PDE4B: variants seen among roughly 807,000 people sequenced by gnomAD.
The protein encoded by PDE4B is phosphodiesterase 4B, also known as 3',5'-cyclic-AMP phosphodiesterase 4B.
In PDE4B, 20 loss-of-function variants were observed where a neutral mutation model predicts 82.2. The ratio of observed to expected loss-of-function variants is 0.24; its 90% CI spans 0.17 to 0.35. PDE4B has a LOEUF of 0.35. PDE4B is among the 10% of genes least tolerant of loss of function. The pLI is 1.00. For missense variants in PDE4B, 655 were observed against 907.2 expected, an observed-to-expected ratio of 0.72 and a Z score of 3.57; for synonymous variants, 320 against 318.9, an observed-to-expected ratio of 1.00 and a Z score of -0.04.
At chr1:66,231,277 T>C (rs1281996321) in intron 3 of PDE4B, among the ~76,000 whole-genome samples, 1 of 152,130 alleles carries the variant, frequency 6.6e-6, no homozygotes, top group Non-Finnish European at 1.5e-5. Context: ...ATTATTGAGG[T>C]GGCACAGAAA....
Position 66,374,549 on chromosome 1 carries a change from G to A in PDE4B, c.*1871G>A, listed in dbSNP as rs990731395. The A allele has an allele frequency of 3.9e-5, 6 of 152,556 alleles. No homozygotes were observed. Among genetic ancestry groups the A allele is most frequent in the Admixed American group, 2.0e-4 (3 of 15,272 alleles). The allele number at this position is 152,556 out of a possible 1,614,324, so 9.5% of individuals were successfully genotyped here. ...ATGCATTCTAAAGAGACTTTTATAT[G>A]AGGTGAATAAAGAAAAGCATGATTA... On this transcript the variant is annotated 3_prime_UTR_variant, in exon 17 of 17. Coordinates refer to ENST00000341517, the MANE Select transcript of PDE4B (RefSeq NM_002600.4).
At chr1:65,925,524 C>A (rs1647452152) in intron 3 of PDE4B, among the ~76,000 whole-genome samples, 2 of 152,098 alleles carry the variant, frequency 1.3e-5, no homozygotes, top group South Asian at 4.1e-4. Flanking sequence ...CCCCCCGAGC[C>A]CCTGCCCCAT....
At chr1:66,139,906 T>G (rs985734620) in intron 3 of PDE4B, among the ~76,000 whole-genome samples, 2 of 152,200 alleles carry the variant, frequency 1.3e-5, no homozygotes, top group Non-Finnish European at 2.9e-5. Flanking sequence ...TGTTGGACGT[T>G]AGACCATTCT....
chr1:66,153,264 T>C (rs979631322), intron 3 of PDE4B, among the ~76,000 whole-genome samples: 1 of 152,184 alleles, frequency 6.6e-6, no homozygotes, highest in African/African-American at 2.4e-5. Context: ...AACCCAGTTG[T>C]CAAATTCCTA....
chr1:66,354,837 G>A (rs1327061676), intron 8 of PDE4B: 2 of 1,535,662 alleles, frequency 1.3e-6, no homozygotes, highest in East Asian at 2.4e-5. Context: ...GGCAAGGAGA[G>A]CATTCCAAAA....
intron 3 of PDE4B, among the ~76,000 whole-genome samples, chr1:66,226,586 G>A (rs962645170): frequency 6.6e-6 from 1 of 152,174 alleles, no homozygotes; most frequent in African/African-American, 2.4e-5. Flanking sequence ...CCAACAGCAA[G>A]GTCAAAGAGC....
intron 3 of PDE4B, among the ~76,000 whole-genome samples, chr1:66,141,061 C>A (rs569676265): frequency 1.1e-3 from 166 of 152,112 alleles, no homozygotes; most frequent in African/African-American, 4.0e-3. Flanking sequence ...GTAAACAAAG[C>A]TAAATGTGTG....
intron 7 of PDE4B, among the ~76,000 whole-genome samples, chr1:66,304,707 G>A (rs1240839602): frequency 2.6e-5 from 4 of 152,070 alleles, no homozygotes; most frequent in Non-Finnish European, 2.9e-5. Context: ...CTAAATTCTC[G>A]TAGACCCAGT....
At chr1:66,090,607 TATGTATATA>T (rs202158722) in intron 3 of PDE4B, among the ~76,000 whole-genome samples, 5 of 58,980 alleles carry the variant, frequency 8.5e-5, no homozygotes, top group Admixed American at 8.2e-4. Flanking sequence ...TATATATATA[TATGTATATA>T]ATATATGTGT....
rs1419509424 is a variant in PDE4B at position 66,369,074 on chromosome 1, A to C, written c.1845+105A>C. The C allele has an allele frequency of 7.4e-6, 6 of 812,880 alleles. No homozygotes were observed. In the East Asian group the frequency reaches 8.6e-5, roughly 12 times the overall value. 50.4% of individuals were successfully genotyped at this position (812,880 alleles called of 1,614,324 possible). ...CCAATAGAATATGTATATATGAAAC[A>C]ATAAGGAGACAACTACGCATTTTGT... On this transcript the variant is annotated intron_variant, in intron 16 of 16. Transcript: ENST00000341517.
chr1:66,033,113 T>C (rs979420217), intron 3 of PDE4B, among the ~76,000 whole-genome samples: 4 of 152,148 alleles, frequency 2.6e-5, no homozygotes, highest in Admixed American at 2.6e-4. Context: ...ACCCATTGTT[T>C]TGAATTAATA....
At chr1:65,943,097 A>T (rs1203726323) in intron 3 of PDE4B, among the ~76,000 whole-genome samples, 1 of 151,920 alleles carries the variant, frequency 6.6e-6, no homozygotes, top group Non-Finnish European at 1.5e-5. Flanking sequence ...AGACCAGTGT[A>T]ATGGAGCTTT....
chr1:66,112,351 G>A (rs984257286), intron 3 of PDE4B, among the ~76,000 whole-genome samples: 1 of 152,120 alleles, frequency 6.6e-6, no homozygotes, highest in African/African-American at 2.4e-5. Flanking sequence ...TTGATTGAAT[G>A]TCTGCCTCAC....
chr1:66,040,709 G>A (rs974955430), intron 3 of PDE4B, among the ~76,000 whole-genome samples: 1 of 151,546 alleles, frequency 6.6e-6, no homozygotes, highest in Non-Finnish European at 1.5e-5. Flanking sequence ...TTTTAAAGAA[G>A]TGACTTTGCT....
chr1:66,106,855 T>TTGG lies in PDE4B; in HGVS notation c.282-140604_282-140603insGGT, dbSNP rs1645372386. The stretch of plus-strand genomic sequence containing the variant: ...TTCTTCTTTATTAGTCTTGCTAGCA[T>TTGG]TCTGTCAATTTTGTTGATCCTTTCA... On this transcript the variant is annotated intron_variant, in intron 3 of 16. Transcript: ENST00000341517. Among the ~76,000 whole-genome samples the TTGG allele has an allele frequency of 3.3e-5, 2 of 60,042 alleles. 1 individual carries two copies. Among genetic ancestry groups the TTGG allele is most frequent in the Non-Finnish European group, 8.0e-5 (2 of 25,068 alleles). 39.4% of individuals were successfully genotyped at this position (60,042 alleles called of 152,430 possible). A position where few individuals can be genotyped will look rare whatever the true frequency, so the allele number is the denominator to read the frequency against.
At chr1:66,198,151 A>G (rs1648496535) in intron 3 of PDE4B, among the ~76,000 whole-genome samples, 1 of 152,100 alleles carries the variant, frequency 6.6e-6, no homozygotes, top group Admixed American at 6.6e-5. Context: ...GAGACTTAAG[A>G]TCAAACCAAG....
At chr1:66,331,986 A>G (rs3767309) in intron 7 of PDE4B, 11,339 of 1,027,762 alleles carry the variant, frequency 0.011, 310 homozygotes, top group African/African-American at 0.077. Context: ...GACTGCCTAG[A>G]CTTTGAACGT....
intron 3 of PDE4B, among the ~76,000 whole-genome samples, chr1:66,003,658 C>T (rs1341792019): frequency 6.6e-6 from 1 of 152,138 alleles, no homozygotes; most frequent in African/African-American, 2.4e-5. Context: ...TCTGAGCATG[C>T]TTCTGTGGCT....
At chr1:66,029,982 T>C (rs1228617761) in intron 3 of PDE4B, among the ~76,000 whole-genome samples, 1 of 151,824 alleles carries the variant, frequency 6.6e-6, no homozygotes, top group African/African-American at 2.4e-5. Context: ...TAGTCAAGCA[T>C]AGTGACAGAA....
Sources: gnomAD v4.1 joint callset for allele counts (sites outside exome capture counted in the v4.1 genomes callset) on GRCh38, gnomAD v4.1.1 for gene constraint, MANE v1.5 for transcripts, NCBI Gene and HGNC (gene_info 2026-07-23, HGNC 2026-07-21) for gene names.